ENOX1: variants seen among roughly 807,000 people sequenced by gnomAD.
ENOX1 encodes ecto-NOX disulfide-thiol exchanger 1.
In ENOX1, 42 loss-of-function variants were observed where a neutral mutation model predicts 82.5. The observed-to-expected ratio is 0.51, with a 90% CI of 0.40 to 0.66. The LOEUF is 0.66. Ranked by LOEUF, ENOX1 falls within the 30% of genes least tolerant of loss-of-function variation. The probability of loss-of-function intolerance (pLI) is 0.00; values close to 1 mark genes in which losing one functional copy is unlikely to be tolerated. For synonymous variants in ENOX1, 271 were observed against 282.2 expected (o/e 0.96, Z 0.40); for missense variants, 608 against 811.6 (o/e 0.75, Z 3.05).
intron 11 of ENOX1, among the ~76,000 whole-genome samples, chr13:43,309,070 G>A (rs555909871): frequency 4.4e-4 from 65 of 148,462 alleles, no homozygotes; most frequent in African/African-American, 5.0e-4. Flanking sequence ...CACCCAGGCT[G>A]GAGTGCAGTG....
chr13:43,598,983 T>C (rs183838538), intron 2 of ENOX1, among the ~76,000 whole-genome samples: 2 of 152,128 alleles, frequency 1.3e-5, no homozygotes, highest in African/African-American at 2.4e-5. Flanking sequence ...CTTAATTCAA[T>C]TGAAGTGGGA....
At position 43,659,466 on chromosome 13, in the gene ENOX1, G is replaced by A. The variant is rs568734086; in HGVS notation, c.-219+8013C>T. Among the ~76,000 whole-genome samples the A allele has an allele frequency of 8.0e-4, 121 of 151,884 alleles. 1 individual carries two copies. The East Asian group carries it at 0.02, about 25-fold the overall frequency. ...GATCACGCCACTGTACTCCAGCCTG[G>A]ACGACAGAGTGAAACCCTGTGTAAA... On this transcript the variant is annotated intron_variant, in intron 2 of 16. Coordinates refer to ENST00000690772, the MANE Select transcript of ENOX1 (RefSeq NM_001347969.2).
chr13:43,551,815 C>T (rs1028147702), intron 2 of ENOX1, among the ~76,000 whole-genome samples: 7 of 152,196 alleles, frequency 4.6e-5, no homozygotes, highest in African/African-American at 1.2e-4. Flanking sequence ...CCACACACCA[C>T]CTCAGACAAG....
chr13:43,234,429 T>C (rs997973587), intron 15 of ENOX1, among the ~76,000 whole-genome samples: 1 of 152,226 alleles, frequency 6.6e-6, no homozygotes, highest in Non-Finnish European at 1.5e-5. Flanking sequence ...CTCCTAAGTT[T>C]ATTTTAATCA....
At chr13:43,531,236 C>A (rs1469613002) in intron 2 of ENOX1, among the ~76,000 whole-genome samples, 1 of 151,406 alleles carries the variant, frequency 6.6e-6, no homozygotes, top group Non-Finnish European at 1.5e-5. Flanking sequence ...AAGAAAAAAA[C>A]AAACAACCCC....
intron 2 of ENOX1, among the ~76,000 whole-genome samples, chr13:43,575,916 C>T (rs1223473896): frequency 3.3e-5 from 5 of 152,208 alleles, no homozygotes; most frequent in African/African-American, 7.2e-5. Flanking sequence ...TAAGAAACCA[C>T]ATCCTAGCAA....
intron 2 of ENOX1, among the ~76,000 whole-genome samples, chr13:43,485,976 C>T (rs574751262): frequency 1.3e-5 from 2 of 152,100 alleles, no homozygotes; most frequent in Non-Finnish European, 2.9e-5. Context: ...TTTGGGAGGC[C>T]GAGGTGGGTG....
intron 1 of ENOX1, among the ~76,000 whole-genome samples, chr13:43,761,187 C>T (rs1950951371): frequency 6.6e-6 from 1 of 152,034 alleles, no homozygotes; most frequent in Non-Finnish European, 1.5e-5. Context: ...CCACAAGATA[C>T]CTAATTTTCC....
chr13:43,317,921 C>A (rs1055647893), intron 11 of ENOX1, among the ~76,000 whole-genome samples: 6 of 151,780 alleles, frequency 4.0e-5, no homozygotes, highest in Non-Finnish European at 8.8e-5. Context: ...AGGAGAATGG[C>A]GTGAACCCGG....
Position 43,394,902 on chromosome 13 carries a change from G to C in ENOX1, c.208+17014C>G, listed in dbSNP as rs186258891. 5 of 151,560 alleles carry C rather than the reference G, an allele frequency of 3.3e-5. No homozygotes were observed. The East Asian group carries it at 7.7e-4, about 23-fold the overall frequency. 9.4% of individuals were successfully genotyped at this position (151,560 alleles called of 1,614,324 possible). A position where few individuals can be genotyped will look rare whatever the true frequency, so the allele number is the denominator to read the frequency against. On this transcript the variant is annotated intron_variant, in intron 5 of 16. Transcript: ENST00000690772. ...AAAATGCAAGGGCTGGACCAGATCA[G>C]TGTTAGCAGAAAGATTAGCAGATAG...
intron 1 of ENOX1, among the ~76,000 whole-genome samples, chr13:43,701,232 C>T (rs547720092): frequency 5.3e-5 from 8 of 152,204 alleles, no homozygotes; most frequent in South Asian, 4.2e-4. Flanking sequence ...TTTTTGTACA[C>T]GTGCATTTGT....
At chr13:43,618,793 G>A (rs980043532) in intron 2 of ENOX1, among the ~76,000 whole-genome samples, 17 of 151,982 alleles carry the variant, frequency 1.1e-4, no homozygotes, top group African/African-American at 3.9e-4. Flanking sequence ...GTATTTTGAT[G>A]GGAATTGCAT....
intron 2 of ENOX1, among the ~76,000 whole-genome samples, chr13:43,618,965 G>C (rs1387853963): frequency 6.9e-6 from 1 of 144,588 alleles, no homozygotes; most frequent in Non-Finnish European, 1.5e-5. Flanking sequence ...CCTTGGTTAG[G>C]TATAGTCCTA....
At chr13:43,323,767 A>G (rs534561093) in intron 10 of ENOX1, among the ~76,000 whole-genome samples, 71 of 152,326 alleles carry the variant, frequency 4.7e-4, no homozygotes, top group African/African-American at 1.7e-3. Context: ...ACTACAACTG[A>G]TTTATTAGGG....
rs1594431327 is a variant in ENOX1 at position 43,692,247 on chromosome 13, T to C, written c.-284-24703A>G. 2.0e-5 allele frequency among the ~76,000 whole-genome samples: 3 copies of C among 152,298 alleles called. No individual in the cohort carries two copies. The South Asian group carries it at 6.2e-4, about 32-fold the overall frequency. On this transcript the variant is annotated intron_variant, in intron 1 of 16. Transcript: ENST00000690772. Reference sequence around the variant, plus strand: ...ACAAGTTAACATACAGAAAAAATAATTTTGGATTCTTACTAAGTATCTTCC... The same window carrying C: ...ACAAGTTAACATACAGAAAAAATAACTTTGGATTCTTACTAAGTATCTTCC...
intron 3 of ENOX1, among the ~76,000 whole-genome samples, chr13:43,417,242 CGGGAGAGGGAGA>C (rs66971009): frequency 3.6e-5 from 3 of 82,772 alleles, no homozygotes; most frequent in East Asian, 3.8e-4. Flanking sequence ...AGACGGGAGA[CGGGAGAGGGAGA>C]GGGAGAGGGA....
chr13:43,626,838 C>A (rs2082986020), intron 2 of ENOX1, among the ~76,000 whole-genome samples: 1 of 151,778 alleles, frequency 6.6e-6, no homozygotes, highest in Non-Finnish European at 1.5e-5. Context: ...ATTCTATATC[C>A]TTACTGATTT....
chr13:43,467,477 A>G (rs1371406745), intron 3 of ENOX1, among the ~76,000 whole-genome samples: 1 of 152,044 alleles, frequency 6.6e-6, no homozygotes, highest in Non-Finnish European at 1.5e-5. Context: ...CTTATTGGCC[A>G]TTTATAGTAT....
intron 3 of ENOX1, among the ~76,000 whole-genome samples, chr13:43,468,481 T>C (rs1032397160): frequency 2.6e-5 from 4 of 151,964 alleles, no homozygotes; most frequent in African/African-American, 9.7e-5. Flanking sequence ...ATGGCTGCCC[T>C]ATAAATTTCT....
Sources: gnomAD v4.1 joint callset for allele counts (sites outside exome capture counted in the v4.1 genomes callset) on GRCh38, gnomAD v4.1.1 for gene constraint, MANE v1.5 for transcripts, NCBI Gene and HGNC (gene_info 2026-07-23, HGNC 2026-07-21) for gene names.